Variants in TTC28 observed in about 807,000 individuals in gnomAD.
TTC28 encodes tetratricopeptide repeat domain 28, also known as tetratricopeptide repeat protein 28.
In TTC28, 61 loss-of-function variants were observed where a neutral mutation model predicts 198.0. The observed-to-expected ratio is 0.31, with a 90% CI of 0.25 to 0.38. TTC28 has a LOEUF of 0.38. TTC28 is among the 10% of genes least tolerant of loss of function. The pLI, the probability that TTC28 is intolerant of heterozygous loss-of-function variation, is 1.00. For synonymous variants in TTC28, 1,171 were observed against 1,297.8 expected, an observed-to-expected ratio of 0.90 and a Z score of 2.10; for missense variants, 2,678 against 3,164.0, an observed-to-expected ratio of 0.85 and a Z score of 3.69.
chr22:28,163,194 T>A lies in TTC28; in HGVS notation c.1339A>T (p.Met447Leu). 1 of 1,551,784 alleles carries A rather than the reference T, an allele frequency of 6.4e-7. No individual in the cohort carries two copies. Among genetic ancestry groups the A allele is most frequent in the Non-Finnish European group, 8.7e-7 (1 of 1,147,018 alleles). ...TGTTTAGCTCTCTCCAAATCCTGCA[T>A]GCACCTGGCAGCATGGCCTAGTCCA... Reference protein sequence around the residue: ...YAGLGHAARCMQDLERAKQYH... With the variant: ...YAGLGHAARCLQDLERAKQYH... The change falls in exon 6 of 23, where the codon ATG becomes TTG. Residue 447 changes from methionine to leucine, a missense_variant. Met to Leu is a conservative substitution (Grantham distance 15). This residue lies in a region of TTC28 where 775 missense variants were observed against 845.9 expected (regional missense o/e 0.92). Coordinates refer to ENST00000397906, the MANE Select transcript of TTC28 (RefSeq NM_001145418.2).
chr22:28,627,735 T>C (rs1434939010), intron 2 of TTC28, among the ~76,000 whole-genome samples: 2 of 151,848 alleles, frequency 1.3e-5, no homozygotes, highest in African/African-American at 4.8e-5. Flanking sequence ...GCCCAGCCCA[T>C]ATACAATTTT....
intron 5 of TTC28, among the ~76,000 whole-genome samples, chr22:28,245,893 A>G (rs1214690659): frequency 1.3e-5 from 2 of 152,230 alleles, no homozygotes; most frequent in African/African-American, 4.8e-5. Flanking sequence ...AAAGAGTGAC[A>G]GTAAATATTC....
chr22:28,469,462 C>T (rs1435866044), intron 2 of TTC28, among the ~76,000 whole-genome samples: 1 of 151,848 alleles, frequency 6.6e-6, no homozygotes, highest in Non-Finnish European at 1.5e-5. Context: ...CACATGTGAT[C>T]AAATTAAGGA....
chr22:28,433,313 C>A (rs1220223505), intron 2 of TTC28, among the ~76,000 whole-genome samples: 3 of 152,038 alleles, frequency 2.0e-5, no homozygotes, highest in Non-Finnish European at 2.9e-5. Context: ...ACAAACCAAA[C>A]CCTAGATTGC....
chr22:28,397,396 G>A (rs1394524364), intron 2 of TTC28, among the ~76,000 whole-genome samples: 2 of 152,220 alleles, frequency 1.3e-5, no homozygotes, highest in African/African-American at 4.8e-5. Flanking sequence ...TAAGAGGCAA[G>A]AGTAGTAACA....
chr22:28,088,459 T>A (rs986880109), intron 12 of TTC28, among the ~76,000 whole-genome samples: 5 of 152,252 alleles, frequency 3.3e-5, no homozygotes, highest in African/African-American at 1.2e-4. Flanking sequence ...TGGCTAGCCA[T>A]ATGTAGAAAG....
chr22:28,135,129 G>A (rs1943169343), intron 6 of TTC28, among the ~76,000 whole-genome samples: 1 of 152,042 alleles, frequency 6.6e-6, no homozygotes, highest in Admixed American at 6.6e-5. Context: ...TGAATGTTGT[G>A]TTTTATCAGG....
chr22:28,336,834 T>C (rs982151218), intron 2 of TTC28, among the ~76,000 whole-genome samples: 8 of 152,242 alleles, frequency 5.3e-5, no homozygotes, highest in African/African-American at 1.9e-4. Flanking sequence ...TGTGTCTCTA[T>C]GACCTTCAGT....
chr22:28,225,398 G>C (rs997772035), intron 5 of TTC28, among the ~76,000 whole-genome samples: 14 of 144,464 alleles, frequency 9.7e-5, no homozygotes, highest in Non-Finnish European at 1.5e-4. Flanking sequence ...AGAAGAAGAA[G>C]AAGAAAGAAG....
At chr22:28,643,828 C>T (rs4822978) in intron 1 of TTC28, among the ~76,000 whole-genome samples, 152,360 of 152,360 alleles carry the variant, frequency 1, 76,180 homozygotes, top group Non-Finnish European at 1. Flanking sequence ...AATTATTGAG[C>T]ACTTAATATG....
intron 2 of TTC28, among the ~76,000 whole-genome samples, chr22:28,387,235 G>A (rs1031310877): frequency 1.3e-5 from 2 of 152,168 alleles, no homozygotes; most frequent in Non-Finnish European, 2.9e-5. Flanking sequence ...TCTTAATCCA[G>A]TCTATCATCG....
chr22:28,527,864 C>T (rs902338485), intron 2 of TTC28, among the ~76,000 whole-genome samples: 3 of 152,030 alleles, frequency 2.0e-5, no homozygotes, highest in African/African-American at 7.2e-5. Context: ...AACTCCTAGC[C>T]TCAAGTGATC....
chr22:28,396,022 T>G lies in TTC28; in HGVS notation c.382-89379A>C, dbSNP rs984904582. On this transcript the variant is annotated intron_variant, in intron 2 of 22. Transcript: ENST00000397906. ...TCACATAGCTATTTGGTAGCAAAAC[T>G]TATTTATCATTATTATCCAATGTTC... 3.3e-5 allele frequency among the ~76,000 whole-genome samples: 5 copies of G among 152,254 alleles called. No homozygotes were observed. The South Asian group carries it at 6.2e-4, about 19-fold the overall frequency.
intron 2 of TTC28, among the ~76,000 whole-genome samples, chr22:28,572,218 C>A (rs1394997775): frequency 6.7e-6 from 1 of 150,126 alleles, no homozygotes; most frequent in Admixed American, 6.6e-5. Flanking sequence ...TGGTGCACGA[C>A]AAAGTCCCAG....
intron 2 of TTC28, among the ~76,000 whole-genome samples, chr22:28,606,657 T>C (rs1269882028): frequency 6.6e-6 from 1 of 152,158 alleles, no homozygotes; most frequent in African/African-American, 2.4e-5. Context: ...AAAATTTATA[T>C]GTGTGTGTAT....
At chr22:28,339,070 G>A (rs1469803220) in intron 2 of TTC28, among the ~76,000 whole-genome samples, 1 of 152,162 alleles carries the variant, frequency 6.6e-6, no homozygotes, top group Admixed American at 6.5e-5. Flanking sequence ...TGTCCTTTCT[G>A]TTTGTTAGTT....
intron 5 of TTC28, among the ~76,000 whole-genome samples, chr22:28,220,500 T>A (rs1486844548): frequency 6.6e-6 from 1 of 152,190 alleles, no homozygotes; most frequent in Non-Finnish European, 1.5e-5. Flanking sequence ...CTTGCAATTG[T>A]AGAACTGAGA....
At chr22:28,054,822 T>C (rs920605593) in intron 12 of TTC28, among the ~76,000 whole-genome samples, 4 of 152,234 alleles carry the variant, frequency 2.6e-5, no homozygotes, top group Non-Finnish European at 4.4e-5. Context: ...CCAACTGGCT[T>C]TGAACATACA....
intron 12 of TTC28, among the ~76,000 whole-genome samples, chr22:28,057,720 A>G (rs1940345282): frequency 6.6e-6 from 1 of 152,016 alleles, no homozygotes. Context: ...ACAGTTTTAT[A>G]GTTTTATTTA....
Sources: allele counts gnomAD v4.1 joint callset (sites outside exome capture counted in the v4.1 genomes callset), GRCh38; gene constraint gnomAD v4.1.1; regional missense constraint gnomAD v4.1.1; transcripts MANE v1.5; gene names NCBI Gene and HGNC (gene_info 2026-07-23, HGNC 2026-07-21).